The following PCNX1 variants were observed in gnomAD, a reference collection of about 807,000 sequenced individuals.
The protein encoded by PCNX1 is pecanex 1, also known as pecanex-like protein 1.
A neutral mutation model predicts 242.2 loss-of-function variants in PCNX1; 78 were observed. The observed-to-expected ratio is 0.32, with a 90% CI of 0.27 to 0.39. The LOEUF (loss-of-function observed/expected upper bound fraction) is 0.39. PCNX1 is among the 10% of genes least tolerant of loss of function. PCNX1 has a pLI of 1.00. For synonymous variants in PCNX1, 1,024 were observed against 1,032.9 expected (o/e 0.99, Z 0.17); for missense variants, 2,581 against 2,856.5 (o/e 0.90, Z 2.20).
At chr14:70,930,335 C>CT (rs1225118696) in intron 1 of PCNX1, among the ~76,000 whole-genome samples, 2 of 152,168 alleles carry the variant, frequency 1.3e-5, no homozygotes, top group Non-Finnish European at 2.9e-5. Flanking sequence ...CTGCTCATCT[C>CT]TAACTCCTGG....
At chr14:70,968,368 A>C (rs2058443803) in intron 4 of PCNX1, 125 bp downstream of exon 4, 2 of 583,380 alleles carry the variant, frequency 3.4e-6, no homozygotes, top group South Asian at 5.6e-5. Context: ...TTTATAGATA[A>C]AATTATTTAT....
chr14:71,073,933 G>A (rs1054756632), intron 27 of PCNX1, 135 bp downstream of exon 27: 6 of 516,044 alleles, frequency 1.2e-5, no homozygotes, highest in Non-Finnish European at 1.5e-5. Flanking sequence ...AAATTCTCTA[G>A]GATCCAGAAT....
chr14:70,994,426 T>TATATATATATATATATATATATATATAG (rs1387360991), intron 7 of PCNX1, among the ~76,000 whole-genome samples: 24 of 114,966 alleles, frequency 2.1e-4, no homozygotes, highest in South Asian at 3.2e-4. Flanking sequence ...TATATATATA[T>TATATATATATATATATATATATATATAG]ATATGTATGT....
chr14:71,009,366 AAG>A (rs1406337422), intron 8 of PCNX1, among the ~76,000 whole-genome samples: 1 of 152,194 alleles, frequency 6.6e-6, no homozygotes, highest in Non-Finnish European at 1.5e-5. Context: ...CCGTGGGAAA[AAG>A]AAAAAAGAGA....
At chr14:70,968,277 C>T (rs2058440960) in intron 4 of PCNX1, 34 bp downstream of exon 4, 1 of 1,503,366 alleles carries the variant, frequency 6.7e-7, no homozygotes, top group East Asian at 2.3e-5. Context: ...TTGCACCTGC[C>T]TTTCCCTTTC....
intron 16 of PCNX1, among the ~76,000 whole-genome samples, chr14:71,032,297 T>C (rs756018485): frequency 6.6e-6 from 1 of 152,242 alleles, no homozygotes; most frequent in Non-Finnish European, 1.5e-5. Context: ...TCCCTTTCAT[T>C]CTCAAGCTCT....
rs747959435 is a variant in PCNX1 at position 70,988,624 on chromosome 14, G to A, written c.2369G>A (p.Arg790His). ...CGCCGTGAACGCAGCACATTTAGGCGCCAGGCAGTACGGCGCCGGCACAAT... is the reference window on the plus strand; with the variant it reads ...CGCCGTGAACGCAGCACATTTAGGCACCAGGCAGTACGGCGCCGGCACAAT... ...SFRRERSTFR[R>H]QAVRRRHNAG... The change falls in exon 7 of 36, where the codon CGC (arginine) becomes CAC (histidine). Residue 790 changes from arginine to histidine, a missense_variant. Physicochemically the swap from Arg to His is conservative, Grantham distance 29. This residue lies in a region of PCNX1 where 1,204 missense variants were observed against 1,216.7 expected (regional missense o/e 0.99). Transcript: ENST00000304743. The A allele has an allele frequency of 1.8e-5, 29 of 1,614,054 alleles. No individual in the cohort carries two copies. Among genetic ancestry groups the A allele is most frequent in the Middle Eastern group, 1.6e-4 (1 of 6,062 alleles).
intron 11 of PCNX1, 29 bp downstream of exon 11, chr14:71,013,231 C>A (rs190585087): frequency 6.9e-7 from 1 of 1,458,132 alleles, no homozygotes. Context: ...ATTAATGATA[C>A]GTGTGGATTT....
In PCNX1 at chr14:70,963,315, C is replaced by T. The variant is rs556105157; in HGVS notation, c.468+984C>T. Among the ~76,000 whole-genome samples, 143 of 152,278 alleles carry T rather than the reference C, an allele frequency of 9.4e-4. 1 individual carries two copies. Among genetic ancestry groups the T allele is most frequent in the African/African-American group, 3.3e-3 (139 of 41,538 alleles). On this transcript the variant is annotated intron_variant, in intron 3 of 35. Transcript: ENST00000304743. ...TATTTATATGGCACTTTACAAGGCT[C>T]TACAGAGTAGATTTTCCTCTTTTTT...
chr14:71,052,133 T>C (rs2061054245), intron 24 of PCNX1, 121 bp downstream of exon 24: 2 of 693,496 alleles, frequency 2.9e-6, no homozygotes, highest in Non-Finnish European at 4.5e-6. Flanking sequence ...TTATTTTTGC[T>C]AAAACTTAAT....
At chr14:71,099,510 G>T (rs2062404603) in intron 30 of PCNX1, among the ~76,000 whole-genome samples, 1 of 152,128 alleles carries the variant, frequency 6.6e-6, no homozygotes, top group South Asian at 2.1e-4. Flanking sequence ...GCATGTGGTC[G>T]ATCATAGGGT....
At chr14:71,003,623 T>A (rs922668697) in intron 8 of PCNX1, among the ~76,000 whole-genome samples, 1 of 152,220 alleles carries the variant, frequency 6.6e-6, no homozygotes, top group African/African-American at 2.4e-5. Flanking sequence ...CAGCAAAATA[T>A]GAACTTGTAC....
At position 71,115,330 on chromosome 14, in the gene PCNX1, A is replaced by G. The variant is rs1338954636; in HGVS notation, c.*5395A>G. The stretch of plus-strand genomic sequence containing the variant: ...TTGGCAAATATATTGCATCAAAAAT[A>G]CAGTATTGACAGTGGATAAAACACT... On this transcript the variant is annotated 3_prime_UTR_variant, in exon 36 of 36. Transcript: ENST00000304743. 1 of 152,668 alleles carries G rather than the reference A, an allele frequency of 6.6e-6. No homozygotes were observed. Among genetic ancestry groups the G allele is most frequent in the Admixed American group, 6.5e-5 (1 of 15,290 alleles). 9.5% of individuals were successfully genotyped at this position (152,668 alleles called of 1,614,324 possible).
chr14:71,058,001 T>A (rs368954042), intron 26 of PCNX1, among the ~76,000 whole-genome samples: 1 of 152,210 alleles, frequency 6.6e-6, no homozygotes, highest in East Asian at 1.9e-4. Flanking sequence ...GTTCTGTGCT[T>A]GGTCTCTTGC....
intron 1 of PCNX1, among the ~76,000 whole-genome samples, chr14:70,942,212 G>A (rs922185239): frequency 6.6e-6 from 1 of 152,176 alleles, no homozygotes; most frequent in Non-Finnish European, 1.5e-5. Flanking sequence ...CATCGCTCAC[G>A]CTGGGAGCTG....
chr14:70,991,839 A>T (rs2059175236), intron 7 of PCNX1, among the ~76,000 whole-genome samples: 1 of 152,190 alleles, frequency 6.6e-6, no homozygotes, highest in Non-Finnish European at 1.5e-5. Flanking sequence ...ATCTAAAAGA[A>T]ATGGTAGATG....
At chr14:71,018,928 T>C in intron 11 of PCNX1, 81 bp from the exon 12 acceptor site, 1 of 1,200,802 alleles carries the variant, frequency 8.3e-7, no homozygotes, top group Non-Finnish European at 1.2e-6. Context: ...ACTTCATATT[T>C]ATGTCTTCCC....
chr14:70,914,729 T>A (rs1172614216), intron 1 of PCNX1, among the ~76,000 whole-genome samples: 1 of 152,196 alleles, frequency 6.6e-6, no homozygotes, highest in Admixed American at 6.5e-5. Flanking sequence ...CTGTCCACCC[T>A]TTTTTAGGGA....
At chr14:70,943,285 G>T (rs1311140874) in intron 1 of PCNX1, among the ~76,000 whole-genome samples, 2 of 152,208 alleles carry the variant, frequency 1.3e-5, no homozygotes, top group African/African-American at 4.8e-5. Flanking sequence ...ATGTGGGAAA[G>T]TTTGGAACTT....
Sources: gnomAD v4.1 joint callset for allele counts (sites outside exome capture counted in the v4.1 genomes callset) on GRCh38, gnomAD v4.1.1 for gene constraint, gnomAD v4.1.1 regional missense constraint, MANE v1.5 for transcripts, NCBI Gene and HGNC (gene_info 2026-07-23, HGNC 2026-07-21) for gene names.